SBNO1: variants seen among roughly 807,000 people sequenced by gnomAD.
SBNO1 encodes the protein protein strawberry notch homolog 1.
In SBNO1, 23 loss-of-function variants were observed where a neutral mutation model predicts 173.6. The observed-to-expected ratio is 0.13, with a 90% CI of 0.10 to 0.19. SBNO1 has a LOEUF of 0.19. Ranked by LOEUF, SBNO1 falls within the 10% of genes least tolerant of loss-of-function variation. The pLI, the probability that SBNO1 is intolerant of heterozygous loss-of-function variation, is 1.00. For synonymous variants in SBNO1, 632 were observed against 571.5 expected (o/e 1.11, Z -1.51); for missense variants, 1,238 against 1,671.2 (o/e 0.74, Z 4.52).
rs1427857527 is a variant in SBNO1 at position 123,292,963 on chromosome 12, A to G, written c.*2945T>C. 5 of 152,222 alleles carry G rather than the reference A, an allele frequency of 3.3e-5. No individual in the cohort carries two copies. The highest frequency in any genetic ancestry group is 7.3e-5 in the Non-Finnish European group (5 of 68,036). The allele number at this position is 152,222 out of a possible 1,614,324, so 9.4% of individuals were successfully genotyped here. On this transcript the variant is annotated 3_prime_UTR_variant, in exon 32 of 32. Coordinates refer to ENST00000602398, the MANE Select transcript of SBNO1 (RefSeq NM_001167856.3). ...GACCTTGTGGTATGGAGGTTGCTAAATGAGGGGAACACTAATTCCCCCAGA... is the reference window on the plus strand; with the variant it reads ...GACCTTGTGGTATGGAGGTTGCTAAGTGAGGGGAACACTAATTCCCCCAGA...
At chr12:123,325,262 CTGTT>C (rs1417264927) in intron 15 of SBNO1, among the ~76,000 whole-genome samples, 2 of 152,214 alleles carry the variant, frequency 1.3e-5, no homozygotes, top group Non-Finnish European at 2.9e-5. Flanking sequence ...TCTAGCCCTT[CTGTT>C]AGTTCACATA....
intron 31 of SBNO1, among the ~76,000 whole-genome samples, chr12:123,296,566 T>G (rs4281511): frequency 0.061 from 9,176 of 150,022 alleles, 323 homozygotes; most frequent in South Asian, 0.11. Context: ...TTTTTTTTTT[T>G]GTTTTTTTTT....
chr12:123,321,459 A>G lies in SBNO1; in HGVS notation c.2323+76T>C, dbSNP rs1869968710. On this transcript the variant is annotated intron_variant, in intron 17 of 31. Transcript: ENST00000602398. ...TGTGATCATTTGTACTGTACAGAAG[A>G]AAAGGTTTCATATCCCATTTTCAAA... 4 of 1,064,866 alleles carry G rather than the reference A, an allele frequency of 3.8e-6. No individual in the cohort carries two copies. In the Admixed American group the frequency reaches 7.4e-5, roughly 20 times the overall value. 66.0% of individuals were successfully genotyped at this position (1,064,866 alleles called of 1,614,324 possible). A position where few individuals can be genotyped will look rare whatever the true frequency, so the allele number is the denominator to read the frequency against.
intron 23 of SBNO1, among the ~76,000 whole-genome samples, chr12:123,314,423 A>T (rs1869019539): frequency 6.6e-6 from 1 of 151,172 alleles, no homozygotes; most frequent in African/African-American, 2.4e-5. Context: ...TCTGCATCCC[A>T]GGTTGAAGTG....
chr12:123,340,026 T>A (rs931020804), intron 5 of SBNO1, among the ~76,000 whole-genome samples: 2 of 152,162 alleles, frequency 1.3e-5, no homozygotes, highest in African/African-American at 4.8e-5. Flanking sequence ...ACCAGGCCAC[T>A]AGAGTTCAGG....
rs998460398 is a variant in SBNO1 at position 123,326,389 on chromosome 12, A to G, written c.1693-55T>C. ...CTTCATCTTTGAGTCTAGTTATTTA[A>G]AAATACCAATTAAATCAAAACAATG... On this transcript the variant is annotated intron_variant, in intron 13 of 31. Transcript: ENST00000602398. 16 of 1,174,052 alleles carry G rather than the reference A, an allele frequency of 1.4e-5. No individual in the cohort carries two copies. The African/African-American group carries it at 2.3e-4, about 17-fold the overall frequency. The allele number at this position is 1,174,052 out of a possible 1,614,324, so 72.7% of individuals were successfully genotyped here.
Position 123,293,110 on chromosome 12 carries a change from AG to A in SBNO1, c.*2797del, listed in dbSNP as rs1173954680. 6.6e-6 allele frequency: 1 copy of A among 152,254 alleles called. No homozygotes were observed. Among genetic ancestry groups the A allele is most frequent in the Non-Finnish European group, 1.5e-5 (1 of 68,042 alleles). The allele number at this position is 152,254 out of a possible 1,614,324, so 9.4% of individuals were successfully genotyped here. Reference sequence around the variant, plus strand: ...TGTGCTCAGAGCCATATTGCTAAAAAGAAAAAGGCATTGCAGAGGCAAAGTG... The same window carrying A: ...TGTGCTCAGAGCCATATTGCTAAAAAAAAAAGGCATTGCAGAGGCAAAGTG... On this transcript the variant is annotated 3_prime_UTR_variant, in exon 32 of 32. Transcript: ENST00000602398.
At chr12:123,364,552 G>A (rs1875891773) in intron 1 of SBNO1, 149 bp downstream of exon 1, 2 of 983,568 alleles carry the variant, frequency 2.0e-6, no homozygotes, top group Non-Finnish European at 1.2e-6. Context: ...GCGCGGCCGC[G>A]AGGAGCGGCA....
At chr12:123,334,299 C>T (rs779257860) in intron 6 of SBNO1, 86 bp from the exon 7 acceptor site, 76 of 828,506 alleles carry the variant, frequency 9.2e-5, no homozygotes, top group Non-Finnish European at 1.3e-4. Context: ...CAATGTTTTT[C>T]TTATAACATA....
chr12:123,326,978 G>A (rs533261262), intron 13 of SBNO1, among the ~76,000 whole-genome samples: 3 of 151,974 alleles, frequency 2.0e-5, no homozygotes, highest in Non-Finnish European at 4.4e-5. Context: ...CCTATCATCT[G>A]GTAACTCATC....
chr12:123,358,124 G>C (rs547841032), intron 1 of SBNO1, among the ~76,000 whole-genome samples: 39 of 152,284 alleles, frequency 2.6e-4, no homozygotes, highest in African/African-American at 9.4e-4. Flanking sequence ...CTGGACCCAA[G>C]TCTAAACACA....
intron 1 of SBNO1, among the ~76,000 whole-genome samples, chr12:123,355,754 G>C (rs1292205211): frequency 6.6e-6 from 1 of 152,166 alleles, no homozygotes; most frequent in Non-Finnish European, 1.5e-5. Context: ...CTGCATTCCA[G>C]GCTGGGTGAC....
chr12:123,360,233 T>G (rs1469900610), intron 1 of SBNO1, among the ~76,000 whole-genome samples: 1 of 111,670 alleles, frequency 9.0e-6, no homozygotes, highest in East Asian at 2.4e-4. Flanking sequence ...GTGACAAGAG[T>G]GAAACACCAT....
At chr12:123,323,877 A>T (rs1870294398) in intron 15 of SBNO1, 46 bp from the exon 16 acceptor site, 1 of 1,409,764 alleles carries the variant, frequency 7.1e-7, no homozygotes, top group African/African-American at 1.5e-5. Flanking sequence ...TTGACAAAAT[A>T]ATTATATGTA....
intron 5 of SBNO1, among the ~76,000 whole-genome samples, chr12:123,337,152 C>G (rs1260062494): frequency 6.6e-6 from 1 of 152,154 alleles, no homozygotes; most frequent in East Asian, 1.9e-4. Context: ...TTTCCAAACC[C>G]TGGCACATTT....
chr12:123,337,115 CAT>C (rs1288803969), intron 5 of SBNO1, among the ~76,000 whole-genome samples: 2 of 152,142 alleles, frequency 1.3e-5, no homozygotes, highest in Admixed American at 1.3e-4. Context: ...CAATCGTGAT[CAT>C]ATATAAGATG....
rs1050710988 is a variant in SBNO1, at chr12:123,350,220, C to G, written c.132+90G>C. On this transcript the variant is annotated intron_variant, in intron 2 of 31. Transcript: ENST00000602398. ...AGTAAGCCATGACTGCACCACTGCA[C>G]CCCAGCCTGGGCCACAGAGTGAGAC... 3.4e-6 allele frequency: 5 copies of G among 1,470,294 alleles called. No homozygotes were observed. The African/African-American group carries it at 4.2e-5, about 12-fold the overall frequency. The allele number at this position is 1,470,294 out of a possible 1,614,324, so 91.1% of individuals were successfully genotyped here. A position where few individuals can be genotyped will look rare whatever the true frequency, so the allele number is the denominator to read the frequency against.
intron 23 of SBNO1, 29 bp from the exon 24 acceptor site, chr12:123,313,748 A>C: frequency 7.4e-7 from 1 of 1,349,614 alleles, no homozygotes; most frequent in East Asian, 2.3e-5. Flanking sequence ...ACCTTTAACC[A>C]GTTTCAGCAT....
At chr12:123,296,096 C>G (rs1272186982) in intron 31 of SBNO1, 46 bp from the exon 32 acceptor site, 6 of 1,246,336 alleles carry the variant, frequency 4.8e-6, no homozygotes, top group Non-Finnish European at 7.1e-6. Context: ...CAGAAGAAAC[C>G]ACACTGTACA....
Sources: gnomAD v4.1 joint callset for allele counts (sites outside exome capture counted in the v4.1 genomes callset) on GRCh38, gnomAD v4.1.1 for gene constraint, MANE v1.5 for transcripts, NCBI Gene and HGNC (gene_info 2026-07-23, HGNC 2026-07-21) for gene names.